HR: variants seen among roughly 807,000 people sequenced by gnomAD.
HR encodes lysine-specific demethylase hairless.
In HR, 83 loss-of-function variants were observed where a neutral mutation model predicts 128.6. The ratio of observed to expected loss-of-function variants is 0.65; its 90% CI spans 0.54 to 0.77. The LOEUF is 0.77. Among genes scored for constraint, HR ranks in the 30% least tolerant of loss-of-function variants. The pLI, the probability that HR is intolerant of heterozygous loss-of-function variation, is 0.00. For synonymous variants in HR, 681 were observed against 658.2 expected (o/e 1.03, Z -0.53); for missense variants, 1,490 against 1,574.6 (o/e 0.95, Z 0.91).
rs1285742068 is a variant in HR at position 22,116,302 on chromosome 8, G to A, written c.3505C>T (p.Gln1169Ter). 1 of 1,612,096 alleles carries A rather than the reference G, an allele frequency of 6.2e-7. No individual in the cohort carries two copies. Among genetic ancestry groups the A allele is most frequent in the Non-Finnish European group, 8.5e-7 (1 of 1,179,800 alleles). Reference sequence around the variant, plus strand: ...CTGCTGGCCCACATCCCACTCACCTGGGCATAAAGCAGGTGGCAGTCAGGG... The same window carrying A: ...CTGCTGGCCCACATCCCACTCACCTAGGCATAAAGCAGGTGGCAGTCAGGG... ...LPPDCHLLYA[Q>*]MDWAVFQAVK... The change falls in exon 18 of 19, where the codon CAG becomes TAG. Residue 1169 changes from glutamine to a stop codon, truncating the protein, a stop_gained and splice_region_variant. Coordinates refer to ENST00000381418, the MANE Select transcript of HR (RefSeq NM_005144.5). LOFTEE classifies it high-confidence loss of function. This position sits in a 1 kb window ranked among gnomAD's most constrained non-coding sequence, Gnocchi z 4.2.
chr8:22,120,215 G>A (rs1331744597), intron 12 of HR, 42 bp from the exon 13 acceptor site: 1 of 1,595,058 alleles, frequency 6.3e-7, no homozygotes, highest in East Asian at 2.3e-5. Flanking sequence ...CCTCAGCCCT[G>A]AAGCCCCTGC....
In HR at chr8:22,128,011, C is replaced by T. The variant is rs958203176; in HGVS notation, c.613-182G>A. The T allele has an allele frequency of 8.2e-5, 56 of 679,078 alleles. 1 individual carries two copies. Among genetic ancestry groups the T allele is most frequent in the Admixed American group, 6.4e-4 (29 of 45,508 alleles). 42.1% of individuals were successfully genotyped at this position (679,078 alleles called of 1,614,324 possible). A position where few individuals can be genotyped will look rare whatever the true frequency, so the allele number is the denominator to read the frequency against. ...ACACTGTCCTGGCAACCCCCACCTC[C>T]TCCCCCAGGATTTCTCAGACGTCCC... On this transcript the variant is annotated intron_variant, in intron 2 of 18. Transcript: ENST00000381418.
chr8:22,123,617 T>TTGGGGGGGCCCCC, intron 6 of HR, 32 bp downstream of exon 6: 13 of 292,090 alleles, frequency 4.5e-5, no homozygotes, highest in Non-Finnish European at 6.9e-5. Flanking sequence ...GAGGGCTCCA[T>TTGGGGGGGCCCCC]CCCGCCCTCC....
rs1554468544 is a variant in HR, at chr8:22,120,242, C to A, written c.2777-69G>T. ...AGCCCCTGCCCCGGCGGCAGCAACA[C>A]CTGCTTCCAGCCCCTCGGGGTCACC... On this transcript the variant is annotated intron_variant, in intron 12 of 18. Coordinates refer to ENST00000381418, the MANE Select transcript of HR (RefSeq NM_005144.5). 6.2e-6 allele frequency: 10 copies of A among 1,605,320 alleles called. No individual in the cohort carries two copies. In the South Asian group the frequency reaches 8.9e-5, roughly 14 times the overall value.
In HR at chr8:22,120,875, C is replaced by T; in HGVS notation, c.2451G>A (p.Gly817=). Residue 817 remains glycine, a synonymous_variant, in exon 11 of 19, where the codon GGG becomes GGA. Coordinates refer to ENST00000381418, the MANE Select transcript of HR (RefSeq NM_005144.5). The part of the protein sequence containing the change: ...RKIQEKALGP[G]LRAGPGLRKG... ...TGCGCAGACCCGGGCCAGCTCGAAG[C>T]CCCGGCCCCAGGGCTTTCTCCTGGA... 1 of 1,553,078 alleles carries T rather than the reference C, an allele frequency of 6.4e-7. No homozygotes were observed. The highest frequency in any genetic ancestry group is 1.2e-5 in the South Asian group (1 of 84,432).
Position 22,120,162 on chromosome 8 carries a change from A to T in HR, c.2788T>A (p.Ser930Thr), listed in dbSNP as rs1429062377. ...GFSWPELRPK[S>T]DEGSVLLLHR... ...AGCAGGAGGACAGAGCCCTCGTCTG[A>T]CTTTGGGCGAACTACAGGAGGAGAC... Residue 930 changes from serine to threonine, a missense_variant, in exon 13 of 19, where the codon TCA becomes ACA. By Grantham distance (58) the Ser-to-Thr change is moderately conservative. Transcript: ENST00000381418. 1.3e-6 allele frequency: 2 copies of T among 1,593,396 alleles called. No individual in the cohort carries two copies. Among genetic ancestry groups the T allele is most frequent in the Non-Finnish European group, 1.7e-6 (2 of 1,170,794 alleles).
chr8:22,115,605 C>G lies in HR; in HGVS notation c.*95G>C. The G allele has an allele frequency of 1.8e-6, 2 of 1,103,776 alleles. No homozygotes were observed. Among genetic ancestry groups the G allele is most frequent in the Non-Finnish European group, 2.8e-6 (2 of 726,162 alleles). The allele number at this position is 1,103,776 out of a possible 1,614,324, so 68.4% of individuals were successfully genotyped here. On this transcript the variant is annotated 3_prime_UTR_variant, in exon 19 of 19. Coordinates refer to ENST00000381418, the MANE Select transcript of HR (RefSeq NM_005144.5). ...TGCTTGTGGGGTTGACCAGAAATCC[C>G]CAAGTCCCCTAGCGCCATCCCCTGC...
In HR at chr8:22,120,348, G is replaced by A; in HGVS notation, c.2770C>T (p.Pro924Ser). The stretch of plus-strand genomic sequence containing the variant: ...CTGTGTTGGGGACACTTACGCTCAG[G>A]CCAGGAGAAGCCCTCCCAGAATGTT... ...STTFWEGFSW[P>S]ELRPKSDEGS... Residue 924 changes from proline to serine, a missense_variant, in exon 12 of 19, where the codon CCT (proline) becomes TCT (serine). Around this residue, in one of 3 missense-constraint regions of HR, gnomAD observed 423 missense variants for 495.9 expected, o/e 0.85. Coordinates refer to ENST00000381418, the MANE Select transcript of HR (RefSeq NM_005144.5). 6.2e-7 allele frequency: 1 copy of A among 1,613,796 alleles called. No homozygotes were observed. The highest frequency in any genetic ancestry group is 8.5e-7 in the Non-Finnish European group (1 of 1,180,010).
At position 22,127,040 on chromosome 8, in the gene HR, T is replaced by C. The variant is rs1450901102; in HGVS notation, c.1402A>G (p.Lys468Glu). The C allele has an allele frequency of 6.2e-7, 1 of 1,611,880 alleles. No homozygotes were observed. The highest frequency in any genetic ancestry group is 8.5e-7 in the Non-Finnish European group (1 of 1,179,606). The stretch of plus-strand genomic sequence containing the variant: ...CAGCCCCTCCTGGCCCCCTTACCTT[T>C]CTGCTCATCATGCTGTCCCGAGTCC... The part of the protein sequence containing the change: ...DVDSGQHDEQ[K>E]GPQDGQASLQ... The change falls in exon 3 of 19, where the codon AAA becomes GAA. Residue 468 changes from lysine to glutamate, a missense_variant. Physicochemically the swap from Lys to Glu is moderately conservative, Grantham distance 56. Coordinates refer to ENST00000381418, the MANE Select transcript of HR (RefSeq NM_005144.5).
intron 2 of HR, 178 bp downstream of exon 2, chr8:22,128,381 C>A (rs1826956447): frequency 1.2e-6 from 1 of 808,472 alleles, no homozygotes; most frequent in South Asian, 1.6e-5. Context: ...AGAGATGGAG[C>A]TGCTCAGGGT....
At position 22,119,243 on chromosome 8, in the gene HR, G is replaced by C; in HGVS notation, c.3018C>G (p.Leu1006=). 6.2e-7 allele frequency: 1 copy of C among 1,613,826 alleles called. No homozygotes were observed. Among genetic ancestry groups the C allele is most frequent in the Non-Finnish European group, 8.5e-7 (1 of 1,180,042 alleles). Residue 1006 remains leucine, a synonymous_variant, in exon 15 of 19, where the codon CTC becomes CTG. Coordinates refer to ENST00000381418, the MANE Select transcript of HR (RefSeq NM_005144.5). ...TGACCAGGTCGGCCACCTCCACACAGAGGTTCTTGGTCCCCAGGTGTCCCC... is the reference window on the plus strand; with the variant it reads ...TGACCAGGTCGGCCACCTCCACACACAGGTTCTTGGTCCCCAGGTGTCCCC... ...PHRGHLGTKN[L]CVEVADLVSI...
At position 22,115,587 on chromosome 8, in the gene HR, G is replaced by T; in HGVS notation, c.*113C>A. On this transcript the variant is annotated 3_prime_UTR_variant, in exon 19 of 19. Coordinates refer to ENST00000381418, the MANE Select transcript of HR (RefSeq NM_005144.5). ...TGCTTGTGCCCAGAGTGGTGCTTGT[G>T]GGGTTGACCAGAAATCCCCAAGTCC... is the stretch of plus-strand genomic sequence containing the variant. 1.1e-6 allele frequency: 1 copy of T among 913,768 alleles called. No individual in the cohort carries two copies. The highest frequency in any genetic ancestry group is 2.6e-5 in the East Asian group (1 of 39,004). 56.6% of individuals were successfully genotyped at this position (913,768 alleles called of 1,614,324 possible).
chr8:22,126,192 G>A (rs566646781), intron 3 of HR, among the ~76,000 whole-genome samples: 14 of 152,260 alleles, frequency 9.2e-5, no homozygotes, highest in African/African-American at 3.4e-4. Context: ...CCAAGAAGGC[G>A]AAGGGGCCAA....
chr8:22,121,549 C>T lies in HR; in HGVS notation c.2203+64G>A. On this transcript the variant is annotated intron_variant, in intron 9 of 18. Transcript: ENST00000381418. The stretch of plus-strand genomic sequence containing the variant: ...CCGGAGACTTCCGCGACTGTCCCCT[C>T]CTGCCTCAAACTCTGGCCCAGCCTC... 19 of 1,561,992 alleles carry T rather than the reference C, an allele frequency of 1.2e-5. No individual in the cohort carries two copies. The South Asian group carries it at 1.6e-4, about 13-fold the overall frequency.
At position 22,119,082 on chromosome 8, in the gene HR, G is replaced by T. The variant is rs201788085; in HGVS notation, c.3098-17C>A. On this transcript the variant is annotated splice_polypyrimidine_tract_variant and intron_variant, in intron 15 of 18. Transcript: ENST00000381418. ...AAAGGAAGTCTGAGGAGGAAAGAGC[G>T]CTCAGGCAGGCCCAGGGCTGGTGGC... 1.9e-6 allele frequency: 3 copies of T among 1,613,462 alleles called. No homozygotes were observed. Among genetic ancestry groups the T allele is most frequent in the Non-Finnish European group, 2.5e-6 (3 of 1,179,860 alleles).
rs1032011964 is a variant in HR at position 22,122,025 on chromosome 8, G to T, written c.2122-331C>A. Among the ~76,000 whole-genome samples the T allele has an allele frequency of 8.5e-5, 13 of 152,268 alleles. No individual in the cohort carries two copies. The South Asian group carries it at 2.1e-3, about 24-fold the overall frequency. On this transcript the variant is annotated intron_variant, in intron 8 of 18. Transcript: ENST00000381418. Reference sequence around the variant, plus strand: ...ACAATGGGTATATAACACAGTGTCTGGAACCCAAAATGCATTCAATGAACT... The same window carrying T: ...ACAATGGGTATATAACACAGTGTCTTGAACCCAAAATGCATTCAATGAACT...
chr8:22,117,791 C>A (rs1033365978), intron 16 of HR: 1 of 152,578 alleles, frequency 6.6e-6, no homozygotes, highest in Admixed American at 6.5e-5. Flanking sequence ...TTGGCAAGGA[C>A]CTCAGCCATT....
chr8:22,122,221 C>G (rs1826771228), intron 8 of HR, among the ~76,000 whole-genome samples: 1 of 152,166 alleles, frequency 6.6e-6, no homozygotes, highest in Non-Finnish European at 1.5e-5. Flanking sequence ...ACAAGCACCT[C>G]TAGCATGATG....
rs907301478 is a variant in HR at position 22,123,918 on chromosome 8, G to A, written c.1751-105C>T. On this transcript the variant is annotated intron_variant, in intron 5 of 18. Coordinates refer to ENST00000381418, the MANE Select transcript of HR (RefSeq NM_005144.5). ...GGAGGGGCAGGAGAAGCAAGGAGCA[G>A]CTTCCATGGAGAGGGCCCCCCCAGG... 3.2e-5 allele frequency: 43 copies of A among 1,350,278 alleles called. 2 individuals are homozygous for A. In the Middle Eastern group the frequency reaches 5.3e-4, roughly 17 times the overall value. 83.6% of individuals were successfully genotyped at this position (1,350,278 alleles called of 1,614,324 possible). A position where few individuals can be genotyped will look rare whatever the true frequency, so the allele number is the denominator to read the frequency against.
Sources: allele counts gnomAD v4.1 joint callset (sites outside exome capture counted in the v4.1 genomes callset), GRCh38; gene constraint gnomAD v4.1.1; regional missense constraint gnomAD v4.1.1; non-coding constraint Gnocchi (gnomAD v3.1); transcripts MANE v1.5; gene names NCBI Gene and HGNC (gene_info 2026-07-23, HGNC 2026-07-21).